EVC: variants seen among roughly 807,000 people sequenced by gnomAD.
EVC encodes the protein EvC ciliary complex subunit 1.
Under a neutral mutation model 118.9 loss-of-function variants are expected in EVC, and 116 were observed. The ratio of observed to expected loss-of-function variants is 0.98; its 90% confidence interval spans 0.84 to 1.14. The LOEUF is 1.14. Ranked by LOEUF, EVC falls within the 50% of genes most tolerant of loss-of-function variation. EVC has a pLI of 0.00. For missense variants in EVC, 1,401 were observed against 1,246.4 expected, an observed-to-expected ratio of 1.12 and a Z score of -1.87; for synonymous variants, 619 against 534.7, an observed-to-expected ratio of 1.16 and a Z score of -2.18.
Position 5,738,815 on chromosome 4 carries a change from C to T in EVC, c.703-2901C>T, listed in dbSNP as rs778704789. ...TCTCTTGACCTTGTGATCCACCTGCCTCCGCCTCCCAAAGTGCTGGGATTA... is the reference window on the plus strand; with the variant it reads ...TCTCTTGACCTTGTGATCCACCTGCTTCCGCCTCCCAAAGTGCTGGGATTA... On this transcript the variant is annotated intron_variant, in intron 5 of 20. Coordinates refer to ENST00000264956, the MANE Select transcript of EVC (RefSeq NM_153717.3). The surrounding 1 kb of genome is among the most constrained non-coding windows in gnomAD (Gnocchi z 6.5). Among the ~76,000 whole-genome samples, 5 of 152,078 alleles carry T rather than the reference C, an allele frequency of 3.3e-5. No individual in the cohort carries two copies. Among genetic ancestry groups the T allele is most frequent in the Non-Finnish European group, 5.9e-5 (4 of 68,006 alleles).
intron 8 of EVC, among the ~76,000 whole-genome samples, chr4:5,751,632 C>A (rs556734298): frequency 1.3e-5 from 2 of 152,210 alleles, no homozygotes; most frequent in African/African-American, 4.8e-5. Context: ...GGGACGTGGG[C>A]GACTCAGGCC....
At position 5,719,426 on chromosome 4, in the gene EVC, T is replaced by C; in HGVS notation, c.300+53T>C. On this transcript the variant is annotated intron_variant, in intron 2 of 20. Transcript: ENST00000264956. The surrounding 1 kb of genome is among the most constrained non-coding windows in gnomAD (Gnocchi z 4.7). The stretch of plus-strand genomic sequence containing the variant: ...GGAGGCACATGTGGGAGGTGGGGTA[T>C]TCCCCCTGGAAGCCGGGTGTCATGT... The C allele has an allele frequency of 6.2e-7, 1 of 1,608,826 alleles. No homozygotes were observed. Among genetic ancestry groups the C allele is most frequent in the Admixed American group, 1.7e-5 (1 of 59,874 alleles).
chr4:5,752,937 C>G lies in EVC; in HGVS notation c.1200C>G (p.Ile400Met). 1 of 1,614,130 alleles carries G rather than the reference C, an allele frequency of 6.2e-7. No individual in the cohort carries two copies. The highest frequency in any genetic ancestry group is 8.5e-7 in the Non-Finnish European group (1 of 1,180,028). The part of the protein sequence containing the change: ...QEETRCRLAA[I>M]SHGLELLAGE... ...AGACCAGGTGCCGGCTGGCTGCCAT[C>G]TCCCACGGCCTGGAGCTGCTGGCTG... Residue 400 changes from isoleucine (I) to methionine (M), a missense_variant, in exon 9 of 21, where the codon ATC becomes ATG. Transcript: ENST00000264956.
At chr4:5,713,415 T>A (rs184700162) in intron 1 of EVC, among the ~76,000 whole-genome samples, 77 of 152,302 alleles carry the variant, frequency 5.1e-4, no homozygotes, top group African/African-American at 1.6e-3. Context: ...CTGTGGCTCA[T>A]GCCTGTCACC....
At chr4:5,750,406 C>G (rs745645873) in intron 8 of EVC, among the ~76,000 whole-genome samples, 4 of 152,198 alleles carry the variant, frequency 2.6e-5, no homozygotes, top group Non-Finnish European at 5.9e-5. Context: ...AAGGGATCCT[C>G]CAGTTTAACA....
chr4:5,729,022 A>G (rs1726336146), intron 2 of EVC, among the ~76,000 whole-genome samples: 10 of 151,570 alleles, frequency 6.6e-5, no homozygotes, highest in Admixed American at 6.6e-4. Context: ...CCATCCAACC[A>G]CCCATCTATT....
chr4:5,760,085 A>G (rs1452778397), intron 11 of EVC, among the ~76,000 whole-genome samples: 1 of 152,084 alleles, frequency 6.6e-6, no homozygotes, highest in Non-Finnish European at 1.5e-5. Context: ...AGGCAATCAG[A>G]TCTGCATTTA....
chr4:5,758,387 A>G (rs1003986495), intron 11 of EVC: 3 of 437,720 alleles, frequency 6.9e-6, no homozygotes, highest in Non-Finnish European at 8.1e-6. Flanking sequence ...GCTAGCTCCT[A>G]TCTTAAGTGC....
Position 5,752,969 on chromosome 4 carries a change from G to T in EVC, c.1232G>T (p.Gly411Val). Residue 411 changes from glycine (G) to valine (V), a missense_variant, in exon 9 of 21, where the codon GGG (glycine) becomes GTG (valine). Coordinates refer to ENST00000264956, the MANE Select transcript of EVC (RefSeq NM_153717.3). The part of the protein sequence containing the change: ...SHGLELLAGE[G>V]KLSGRQKEEL... ...GGCCTGGAGCTGCTGGCTGGTGAGG[G>T]GAAGCTGTCCGGGCGGCAGAAGGAG... is the stretch of plus-strand genomic sequence containing the variant. 6.2e-7 allele frequency: 1 copy of T among 1,613,944 alleles called. No homozygotes were observed. The highest frequency in any genetic ancestry group is 8.5e-7 in the Non-Finnish European group (1 of 1,179,980).
In EVC at chr4:5,727,676, G is replaced by C. The variant is rs1468089790; in HGVS notation, c.301-1631G>C. ...CCTATGTCCTGAATGGTAATGCCTAGGTTTTCTTCTAGGGTTTTTATGGTT... is the reference window on the plus strand; with the variant it reads ...CCTATGTCCTGAATGGTAATGCCTACGTTTTCTTCTAGGGTTTTTATGGTT... On this transcript the variant is annotated intron_variant, in intron 2 of 20. Transcript: ENST00000264956. Among the ~76,000 whole-genome samples, 11 of 151,950 alleles carry C rather than the reference G, an allele frequency of 7.2e-5. No individual in the cohort carries two copies. In the East Asian group the frequency reaches 2.1e-3, roughly 29 times the overall value.
Position 5,756,278 on chromosome 4 carries a change from C to G in EVC, c.1479C>G (p.Val493=), listed in dbSNP as rs751325286. The G allele has an allele frequency of 9.9e-6, 16 of 1,612,444 alleles. No homozygotes were observed. Among genetic ancestry groups the G allele is most frequent in the African/African-American group, 1.3e-5 (1 of 74,822 alleles). Residue 493 remains valine (V), a synonymous_variant, in exon 11 of 21, where the codon GTC becomes GTG. Transcript: ENST00000264956. This position sits in a 1 kb window ranked among gnomAD's most constrained non-coding sequence, Gnocchi z 4.2. ...TTTCCTCACAGGCTTTTCATGAGGT[C>G]CTGGAGAGGCAGAGGCTGATGCAGT... ...PEKFLEAFHE[V]LERQRLMQCD... is the part of the protein sequence containing the mutation.
At chr4:5,828,402 C>T in the EVC span, 1 of 1,520,372 alleles carries the variant, frequency 6.6e-7, no homozygotes, top group Non-Finnish European at 8.8e-7. Context: ...ACATTATTAA[C>T]TCTGCACACG....
chr4:5,785,384 G>A (rs1432633418), intron 12 of EVC, among the ~76,000 whole-genome samples: 1 of 151,012 alleles, frequency 6.6e-6, no homozygotes, highest in Non-Finnish European at 1.5e-5. Flanking sequence ...GTTTCTTTAA[G>A]TTGGGTTTGC....
Position 5,783,663 on chromosome 4 carries a change from C to T in EVC, c.1675C>T (p.Gln559Ter). The T allele has an allele frequency of 6.2e-7, 1 of 1,614,172 alleles. No homozygotes were observed. Among genetic ancestry groups the T allele is most frequent in the Non-Finnish European group, 8.5e-7 (1 of 1,180,030 alleles). ...LPPEECDYLR[Q>*]EVQENAAWQL... ...CCCGGAAGAGTGTGACTACTTGAGG[C>T]AGGAAGTCCAGGAGAACGCTGCCTG... is the stretch of plus-strand genomic sequence containing the variant. The change falls in exon 12 of 21, where the codon CAG (glutamine) becomes TAG (stop). Residue 559 changes from glutamine (Q) to a stop codon, truncating the protein, a stop_gained. Transcript: ENST00000264956. LOFTEE classifies it high-confidence loss of function.
intron 7 of EVC, among the ~76,000 whole-genome samples, chr4:5,747,546 A>G (rs535929332): frequency 2.0e-4 from 31 of 152,300 alleles, no homozygotes; most frequent in African/African-American, 6.7e-4. Context: ...TCCGATTCCT[A>G]GTGTCATTGT....
At chr4:5,770,070 G>T (rs974154247) in intron 11 of EVC, among the ~76,000 whole-genome samples, 8 of 152,098 alleles carry the variant, frequency 5.3e-5, no homozygotes, top group African/African-American at 1.9e-4. Context: ...CTCGAGGGGG[G>T]CTCTCTGCAC....
chr4:5,728,131 G>A (rs1193705639), intron 2 of EVC, among the ~76,000 whole-genome samples: 1 of 152,122 alleles, frequency 6.6e-6, no homozygotes, highest in Non-Finnish European at 1.5e-5. Flanking sequence ...CTGCTTGTTG[G>A]GGATGGCATT....
chr4:5,809,427 G>GC (rs1384419468), intron 18 of EVC, 91 bp from the exon 19 acceptor site: 3 of 1,156,016 alleles, frequency 2.6e-6, no homozygotes, highest in African/African-American at 3.0e-5. Flanking sequence ...TCAGTGGCCA[G>GC]CCTCAAGTGT....
chr4:5,816,290 A>G (rs1471651407), downstream of EVC, among the ~76,000 whole-genome samples: 3 of 152,064 alleles, frequency 2.0e-5, no homozygotes, highest in Admixed American at 1.3e-4. Flanking sequence ...ATGAACATGT[A>G]CCTCTTGGGT....
Sources: allele counts gnomAD v4.1 joint callset (sites outside exome capture counted in the v4.1 genomes callset), GRCh38; gene constraint gnomAD v4.1.1; non-coding constraint Gnocchi (gnomAD v3.1); transcripts MANE v1.5; gene names NCBI Gene and HGNC (gene_info 2026-07-23, HGNC 2026-07-21).